The following COL28A1 variants were observed in gnomAD, a reference collection of about 807,000 sequenced individuals.
COL28A1 encodes collagen alpha-1(XXVIII) chain.
In COL28A1, 161 loss-of-function variants were observed where a neutral mutation model predicts 150.2. That is an observed-to-expected ratio of 1.07 (90% confidence interval 0.94 to 1.22). COL28A1 has a LOEUF of 1.22. COL28A1 is among the 50% of genes most tolerant of loss of function. The pLI is 0.00. For synonymous variants in COL28A1, 552 were observed against 469.7 expected, an observed-to-expected ratio of 1.18 and a Z score of -2.26; for missense variants, 1,617 against 1,388.3, an observed-to-expected ratio of 1.16 and a Z score of -2.62.
chr7:7,485,580 G>C (rs1779583883), intron 13 of COL28A1, among the ~76,000 whole-genome samples: 1 of 152,090 alleles, frequency 6.6e-6, no homozygotes, highest in African/African-American at 2.4e-5. Flanking sequence ...TATTCTAAAA[G>C]TTTTATAGTT....
At chr7:7,340,109 G>C in the COL28A1 span, among the ~76,000 whole-genome samples, 1 of 151,940 alleles carries the variant, frequency 6.6e-6, no homozygotes, top group African/African-American at 2.4e-5. Context: ...TCCTGCCTCA[G>C]CCTCTGGAGT....
At chr7:7,386,280 G>A (rs1433897152) in intron 27 of COL28A1, among the ~76,000 whole-genome samples, 2 of 152,146 alleles carry the variant, frequency 1.3e-5, no homozygotes, top group South Asian at 2.1e-4. Context: ...TCTCAGTAAG[G>A]TGTGGTAAGA....
chr7:7,360,647 T>A, intron 33 of COL28A1, 119 bp from the exon 34 acceptor site: 2 of 823,116 alleles, frequency 2.4e-6, no homozygotes, highest in Non-Finnish European at 3.7e-6. Context: ...AGCTCTCTGA[T>A]ACTAACTATT....
intron 11 of COL28A1, among the ~76,000 whole-genome samples, chr7:7,505,681 G>C (rs1020862989): frequency 6.6e-6 from 1 of 152,138 alleles, no homozygotes; most frequent in Non-Finnish European, 1.5e-5. Context: ...AGAGTGGTTT[G>C]AATTGTGTCA....
At chr7:7,344,865 C>T in the COL28A1 span, among the ~76,000 whole-genome samples, 2 of 152,096 alleles carry the variant, frequency 1.3e-5, no homozygotes, top group East Asian at 1.9e-4. Flanking sequence ...CCTGTCAATA[C>T]ATCATTTAGA....
In COL28A1 at chr7:7,404,476, C is replaced by G. The variant is rs774455844; in HGVS notation, c.2136+13383G>C. 1.4e-3 allele frequency among the ~76,000 whole-genome samples: 216 copies of G among 152,104 alleles called. 5 individuals are homozygous for G. Among genetic ancestry groups the G allele is most frequent in the Non-Finnish European group, 4.1e-4 (28 of 68,010 alleles). On this transcript the variant is annotated intron_variant, in intron 27 of 34. Transcript: ENST00000399429. The stretch of plus-strand genomic sequence containing the variant: ...ACTGCTGTTACCTCCCTGACCTCAT[C>G]TGCATCCACACTAGTCTCTTTTCTC...
intron 31 of COL28A1, 46 bp downstream of exon 31, chr7:7,375,415 G>C: frequency 6.5e-7 from 1 of 1,536,778 alleles, no homozygotes; most frequent in Middle Eastern, 1.7e-4. Context: ...AGTACATAGT[G>C]GGGCTGATGC....
At chr7:7,440,977 G>C (rs897671932) in intron 20 of COL28A1, 116 bp from the exon 21 acceptor site, 63 of 586,654 alleles carry the variant, frequency 1.1e-4, no homozygotes, top group Non-Finnish European at 1.7e-4. Flanking sequence ...AAAGTGGTGT[G>C]CCCTGAGCAC....
intron 19 of COL28A1, among the ~76,000 whole-genome samples, chr7:7,444,214 G>A (rs565301661): frequency 6.6e-6 from 1 of 152,252 alleles, no homozygotes; most frequent in East Asian, 1.9e-4. Flanking sequence ...ACAGAAGGCA[G>A]AGGATGTGAG....
the COL28A1 span, among the ~76,000 whole-genome samples, chr7:7,348,476 A>G: frequency 6.6e-6 from 1 of 151,300 alleles, no homozygotes; most frequent in African/African-American, 2.4e-5. Context: ...TCACTCGCTC[A>G]CTCTCCCTCT....
intron 27 of COL28A1, among the ~76,000 whole-genome samples, chr7:7,390,560 A>G (rs1406302287): frequency 6.6e-6 from 1 of 152,182 alleles, no homozygotes; most frequent in East Asian, 1.9e-4. Context: ...TAGTTTCAGA[A>G]GACATGGTAC....
rs759591205 is a variant in COL28A1, at chr7:7,360,492, C to T, written c.3103G>A (p.Ala1035Thr). Residue 1035 changes from alanine (A) to threonine (T), a missense_variant, in exon 34 of 35, where the codon GCT becomes ACT. Ala to Thr is a moderately conservative substitution (Grantham distance 58). Transcript: ENST00000399429. ...TCATCAGCCCACGTTGGCTCTGGAG[C>T]CTTATCATCTTCATCCTGGTCTCTG... is the stretch of plus-strand genomic sequence containing the variant. ...VTRDQDEDDK[A>T]PEPTWADDLP... The T allele has an allele frequency of 1.2e-6, 2 of 1,606,836 alleles. No individual in the cohort carries two copies. The highest frequency in any genetic ancestry group is 1.7e-6 in the Non-Finnish European group (2 of 1,177,888).
chr7:7,410,038 TAA>T (rs1003368214), intron 27 of COL28A1, among the ~76,000 whole-genome samples: 2 of 152,206 alleles, frequency 1.3e-5, no homozygotes, highest in African/African-American at 4.8e-5. Context: ...AATTATTTTT[TAA>T]AAATTATCCT....
At chr7:7,477,751 A>T (rs929636436) in intron 13 of COL28A1, among the ~76,000 whole-genome samples, 1 of 152,172 alleles carries the variant, frequency 6.6e-6, no homozygotes, top group Non-Finnish European at 1.5e-5. Flanking sequence ...ACAGCAAAAG[A>T]ACAAAGCTTC....
At chr7:7,417,378 C>T (rs1039421339) in intron 27 of COL28A1, among the ~76,000 whole-genome samples, 6 of 151,086 alleles carry the variant, frequency 4.0e-5, no homozygotes, top group Admixed American at 2.0e-4. Context: ...ATTCGGATTT[C>T]GTTCCTCTGG....
At chr7:7,381,451 A>C in intron 28 of COL28A1, 93 bp downstream of exon 28, 1 of 826,288 alleles carries the variant, frequency 1.2e-6, no homozygotes, top group Non-Finnish European at 2.0e-6. Context: ...TGTAAGGGGA[A>C]GAGTGACACA....
intron 11 of COL28A1, among the ~76,000 whole-genome samples, chr7:7,491,327 G>C (rs1286745102): frequency 6.6e-6 from 1 of 152,170 alleles, no homozygotes; most frequent in East Asian, 1.9e-4. Context: ...GGATGCAAAG[G>C]AGAAAACTGC....
chr7:7,525,413 G>A (rs1422069877), intron 3 of COL28A1, among the ~76,000 whole-genome samples: 1 of 152,212 alleles, frequency 6.6e-6, no homozygotes, highest in Non-Finnish European at 1.5e-5. Flanking sequence ...TGAAGGCTGT[G>A]TTGGAAGACA....
At chr7:7,360,084 G>A (rs1216373162) in intron 34 of COL28A1, among the ~76,000 whole-genome samples, 6 of 152,056 alleles carry the variant, frequency 3.9e-5, no homozygotes, top group Admixed American at 1.3e-4. Context: ...GGAGCAGTAC[G>A]GACTACGGTA....
Sources: allele counts gnomAD v4.1 joint callset (sites outside exome capture counted in the v4.1 genomes callset), GRCh38; gene constraint gnomAD v4.1.1; transcripts MANE v1.5; gene names NCBI Gene and HGNC (gene_info 2026-07-23, HGNC 2026-07-21).